FCER1A: variants seen among roughly 807,000 people sequenced by gnomAD.
The protein encoded by FCER1A is Fc epsilon receptor Ia.
A neutral mutation model predicts 23.6 loss-of-function variants in FCER1A; 24 were observed. The observed-to-expected ratio is 1.02, with a 90% CI of 0.74 to 1.43. FCER1A has a LOEUF of 1.43. Ranked by LOEUF, FCER1A falls within the 40% of genes most tolerant of loss-of-function variation. The pLI is 0.00. For synonymous variants in FCER1A, 121 were observed against 108.8 expected (o/e 1.11, Z -0.70); for missense variants, 318 against 294.5 (o/e 1.08, Z -0.58).
chr1:159,302,087 A>G (rs531361288), upstream of FCER1A, among the ~76,000 whole-genome samples: 1 of 152,314 alleles, frequency 6.6e-6, no homozygotes, highest in Non-Finnish European at 1.5e-5. Flanking sequence ...CAGATTAAGA[A>G]AGGCTTGTGA....
upstream of FCER1A, among the ~76,000 whole-genome samples, chr1:159,299,729 C>T (rs969007544): frequency 2.0e-5 from 3 of 152,008 alleles, no homozygotes; most frequent in Non-Finnish European, 4.4e-5. Flanking sequence ...TAGTAGCAGC[C>T]CACTCCACCC....
intron 4 of FCER1A, among the ~76,000 whole-genome samples, 160 bp downstream of exon 4, chr1:159,306,405 A>G (rs147644575): frequency 1.3e-3 from 205 of 152,288 alleles, no homozygotes; most frequent in African/African-American, 4.7e-3. Flanking sequence ...ATATATCTCA[A>G]TCTCTGTTTC....
intron 1 of FCER1A, among the ~76,000 whole-genome samples, chr1:159,291,185 C>A (rs914625620): frequency 6.6e-6 from 1 of 152,136 alleles, no homozygotes; most frequent in Non-Finnish European, 1.5e-5. Context: ...AAGGTTTTCT[C>A]TTGGCTTAGT....
At chr1:159,298,223 A>G (rs556865617), upstream of FCER1A, among the ~76,000 whole-genome samples, 1 of 152,258 alleles carries the variant, frequency 6.6e-6, no homozygotes, top group South Asian at 2.1e-4. Context: ...GCCCACACCT[A>G]TGCACTATAA....
chr1:159,288,905 A>G (rs1032026750), upstream of FCER1A, among the ~76,000 whole-genome samples: 1 of 152,204 alleles, frequency 6.6e-6, no homozygotes, highest in African/African-American at 2.4e-5. Context: ...AATTCTCACA[A>G]AACATTCTGA....
chr1:159,299,951 G>C (rs556029426), upstream of FCER1A, among the ~76,000 whole-genome samples: 2 of 144,848 alleles, frequency 1.4e-5, no homozygotes, highest in African/African-American at 5.0e-5. Flanking sequence ...TTTTCTTTCC[G>C]ATGCTGTTAA....
At chr1:159,285,252 T>C (rs1328615538), upstream of FCER1A, among the ~76,000 whole-genome samples, 4 of 152,214 alleles carry the variant, frequency 2.6e-5, no homozygotes, top group East Asian at 7.7e-4. Flanking sequence ...TTACCAAATA[T>C]TGCCTGGAGG....
chr1:159,286,131 A>G (rs1201093883), upstream of FCER1A, among the ~76,000 whole-genome samples: 1 of 151,780 alleles, frequency 6.6e-6, no homozygotes, highest in Non-Finnish European at 1.5e-5. Context: ...CAGAGGTTGC[A>G]GTGACCCGAG....
chr1:159,301,069 G>A (rs1360921731), upstream of FCER1A, among the ~76,000 whole-genome samples: 1 of 152,080 alleles, frequency 6.6e-6, no homozygotes, highest in Admixed American at 6.6e-5. Context: ...AAAACTAAAG[G>A]TTTTGGTTAG....
At chr1:159,284,767 T>C (rs1054588770), upstream of FCER1A, among the ~76,000 whole-genome samples, 1 of 152,174 alleles carries the variant, frequency 6.6e-6, no homozygotes, top group African/African-American at 2.4e-5. Context: ...TTTGTAGCCT[T>C]TCTTCTTTTT....
the FCER1A span, among the ~76,000 whole-genome samples, chr1:159,283,781 C>T: frequency 6.6e-6 from 1 of 152,146 alleles, no homozygotes; most frequent in East Asian, 1.9e-4. Context: ...AATACAGTCT[C>T]TTAAACTGCA....
chr1:159,290,458 T>C (rs1652120583), intron 1 of FCER1A, among the ~76,000 whole-genome samples: 1 of 152,160 alleles, frequency 6.6e-6, no homozygotes, highest in Admixed American at 6.6e-5. Flanking sequence ...GCCTCATAAA[T>C]TTTAAGTCAA....
chr1:159,305,261 C>T (rs187758183), intron 3 of FCER1A, among the ~76,000 whole-genome samples: 105 of 152,264 alleles, frequency 6.9e-4, no homozygotes, highest in African/African-American at 2.4e-3. Context: ...ATTATGCTAG[C>T]GATATTTCCT....
chr1:159,299,293 C>T (rs915589409), upstream of FCER1A, among the ~76,000 whole-genome samples: 1 of 152,130 alleles, frequency 6.6e-6, no homozygotes, highest in African/African-American at 2.4e-5. Flanking sequence ...TTTTAGAGAA[C>T]TTTGAGAGTG....
At chr1:159,293,676 G>A (rs1378782290) in intron 1 of FCER1A, among the ~76,000 whole-genome samples, 2 of 151,222 alleles carry the variant, frequency 1.3e-5, no homozygotes, top group Non-Finnish European at 2.9e-5. Flanking sequence ...AGTTTACTGA[G>A]AATGATGATT....
At chr1:159,291,648 T>C (rs1411137731) in intron 1 of FCER1A, among the ~76,000 whole-genome samples, 1 of 152,174 alleles carries the variant, frequency 6.6e-6, no homozygotes, top group Non-Finnish European at 1.5e-5. Flanking sequence ...CCTCTCTGCT[T>C]ACTGAATTAT....
In FCER1A at chr1:159,304,026, G is replaced by A. The variant is rs754037846; in HGVS notation, c.175G>A (p.Val59Ile). Reference sequence around the variant, plus strand: ...ATGTAATGGGAACAATTTCTTTGAAGTCAGTTCCACCAAATGGTTCCACAA... The same window carrying A: ...ATGTAATGGGAACAATTTCTTTGAAATCAGTTCCACCAAATGGTTCCACAA... ...LTCNGNNFFEVSSTKWFHNGS... is the reference protein window; with the variant it reads ...LTCNGNNFFEISSTKWFHNGS... Residue 59 changes from valine to isoleucine, a missense_variant, in exon 3 of 5, where the codon GTC becomes ATC. By Grantham distance (29) the Val-to-Ile change is conservative. Coordinates refer to ENST00000693622, the MANE Select transcript of FCER1A (RefSeq NM_001387280.1). 6.2e-7 allele frequency: 1 copy of A among 1,614,000 alleles called. No homozygotes were observed. The highest frequency in any genetic ancestry group is 8.5e-7 in the Non-Finnish European group (1 of 1,179,896).
upstream of FCER1A, among the ~76,000 whole-genome samples, chr1:159,298,670 A>G (rs1652355408): frequency 6.6e-6 from 1 of 152,168 alleles, no homozygotes; most frequent in Admixed American, 6.5e-5. Flanking sequence ...TCCTGGCCCT[A>G]ATATAGAGGA....
Position 159,304,057 on chromosome 1 carries a change from G to A in FCER1A, c.206G>A (p.Ser69Asn), listed in dbSNP as rs750378478. 1.5e-5 allele frequency: 24 copies of A among 1,614,038 alleles called. No homozygotes were observed. The Admixed American group carries it at 1.7e-4, about 11-fold the overall frequency. ...VSSTKWFHNG[S>N]LSEETNSSLN... Reference sequence around the variant, plus strand: ...TCCACCAAATGGTTCCACAATGGCAGCCTTTCAGAAGAGACAAATTCAAGT... The same window carrying A: ...TCCACCAAATGGTTCCACAATGGCAACCTTTCAGAAGAGACAAATTCAAGT... Residue 69 changes from serine (S) to asparagine (N), a missense_variant, in exon 3 of 5, where the codon AGC (serine) becomes AAC (asparagine). By Grantham distance (46) the Ser-to-Asn change is conservative. Transcript: ENST00000693622.
Sources: gnomAD v4.1 joint callset for allele counts (sites outside exome capture counted in the v4.1 genomes callset) on GRCh38, gnomAD v4.1.1 for gene constraint, MANE v1.5 for transcripts, NCBI Gene and HGNC (gene_info 2026-07-23, HGNC 2026-07-21) for gene names.